The following ANTXRL variants were observed in gnomAD, a reference collection of about 807,000 sequenced individuals.
ANTXRL encodes ANTXR like.
Under a neutral mutation model 75.4 loss-of-function variants are expected in ANTXRL, and 63 were observed. That is an observed-to-expected ratio of 0.84 (90% CI 0.68 to 1.03). ANTXRL has a LOEUF of 1.03. ANTXRL is among the 50% of genes least tolerant of loss of function. The probability of loss-of-function intolerance (pLI) is 0.00; values close to 1 mark genes in which losing one functional copy is unlikely to be tolerated. For missense variants in ANTXRL, 797 were observed against 789.4 expected, an observed-to-expected ratio of 1.01 and a Z score of -0.12; for synonymous variants, 335 against 291.3, an observed-to-expected ratio of 1.15 and a Z score of -1.53.
chr10:46,318,508 G>GA (rs139483798), intron 16 of ANTXRL, among the ~76,000 whole-genome samples: 7,157 of 151,840 alleles, frequency 0.047, 579 homozygotes, highest in African/African-American at 0.16. Context: ...AAGTTCACTC[G>GA]AAAAAAATAG....
At chr10:46,314,991 C>G in intron 16 of ANTXRL, among the ~76,000 whole-genome samples, 1 of 152,194 alleles carries the variant, frequency 6.6e-6, no homozygotes, top group Non-Finnish European at 1.5e-5. Flanking sequence ...GAACACCCGA[C>G]TGAGTGTCTT....
intron 10 of ANTXRL, among the ~76,000 whole-genome samples, chr10:46,303,243 G>A (rs1398322040): frequency 2.6e-5 from 4 of 152,172 alleles, no homozygotes; most frequent in African/African-American, 9.7e-5. Context: ...TGCCCAGAGG[G>A]GTATGTTTAC....
At chr10:46,321,016 G>A (rs905818738) in intron 16 of ANTXRL, among the ~76,000 whole-genome samples, 3 of 152,180 alleles carry the variant, frequency 2.0e-5, no homozygotes, top group African/African-American at 7.2e-5. Context: ...ATGTTAGAGT[G>A]TTGTTTCTAG....
At chr10:46,300,589 C>T (rs4926076) in intron 9 of ANTXRL, among the ~76,000 whole-genome samples, 40,226 of 151,010 alleles carry the variant, frequency 0.27, 4,943 homozygotes, top group East Asian at 0.43. Context: ...CTGTTCTGGG[C>T]GCCCTGTGCA....
intron 9 of ANTXRL, 44 bp from the exon 10 acceptor site, chr10:46,302,678 C>T (rs1438131877): frequency 1.4e-6 from 2 of 1,388,742 alleles, no homozygotes; most frequent in East Asian, 2.5e-5. Flanking sequence ...GGGAGGCAGC[C>T]CCCTACTCTT....
At chr10:46,307,272 C>A (rs782752638) in intron 11 of ANTXRL, 130 bp from the exon 12 acceptor site, 99 of 718,286 alleles carry the variant, frequency 1.4e-4, no homozygotes, top group Middle Eastern at 7.0e-4. Context: ...GACCCACTTA[C>A]CCTTTGGTCA....
chr10:46,287,016 C>A lies in ANTXRL; in HGVS notation c.-247C>A. 1 of 565,738 alleles carries A rather than the reference C, an allele frequency of 1.8e-6. No individual in the cohort carries two copies. Among genetic ancestry groups the A allele is most frequent in the Non-Finnish European group, 3.1e-6 (1 of 320,470 alleles). 35.0% of individuals were successfully genotyped at this position (565,738 alleles called of 1,614,324 possible). A position where few individuals can be genotyped will look rare whatever the true frequency, so the allele number is the denominator to read the frequency against. ...GTCAACCATAACAGAGAATTCTGTC[C>A]CCAGGGTGGGGGAAGGGCCAGGCAG... On this transcript the variant is annotated 5_prime_UTR_variant, in exon 1 of 17. Transcript: ENST00000620264.
chr10:46,295,367 G>T (rs1588797837), intron 3 of ANTXRL, among the ~76,000 whole-genome samples: 2 of 152,130 alleles, frequency 1.3e-5, no homozygotes, highest in East Asian at 3.9e-4. Flanking sequence ...TTAGAATTTG[G>T]ATTAGAGTTA....
rs1169333016 is a variant in ANTXRL at position 46,310,362 on chromosome 10, G to A, written c.1135-99G>A. ...AGTGACACCCCAAAGGCAGTGCTCT[G>A]TCCTGGTGCTCCAGGCCAGGGTCCC... On this transcript the variant is annotated intron_variant, in intron 13 of 16. Transcript: ENST00000620264. 17 of 1,162,004 alleles carry A rather than the reference G, an allele frequency of 1.5e-5. 1 individual carries two copies. In the South Asian group the frequency reaches 1.7e-4, roughly 12 times the overall value. The allele number at this position is 1,162,004 out of a possible 1,614,324, so 72.0% of individuals were successfully genotyped here. A position where few individuals can be genotyped will look rare whatever the true frequency, so the allele number is the denominator to read the frequency against.
intron 9 of ANTXRL, among the ~76,000 whole-genome samples, chr10:46,299,977 T>A (rs1588814212): frequency 6.6e-6 from 1 of 152,248 alleles, no homozygotes; most frequent in East Asian, 1.9e-4. Context: ...TCCTCCTGAT[T>A]TAAAGCGGCT....
chr10:46,287,594 G>C, intron 1 of ANTXRL, 84 bp downstream of exon 1: 1 of 1,449,744 alleles, frequency 6.9e-7, no homozygotes, highest in Non-Finnish European at 9.1e-7. Context: ...ACCACTCAAG[G>C]AGATGCAAGC....
At chr10:46,292,164 G>A (rs1554956701) in intron 2 of ANTXRL, 35 bp downstream of exon 2, 3 of 1,532,534 alleles carry the variant, frequency 2.0e-6, no homozygotes, top group Admixed American at 3.9e-5. Flanking sequence ...CCCCTGAGCT[G>A]CAGAGAGCTT....
At chr10:46,316,914 G>A (rs1838757315) in intron 16 of ANTXRL, among the ~76,000 whole-genome samples, 1 of 151,922 alleles carries the variant, frequency 6.6e-6, no homozygotes, top group Non-Finnish European at 1.5e-5. Context: ...CACATCAGGT[G>A]GATTGGCGTG....
At chr10:46,287,954 G>T (rs374447383) in intron 1 of ANTXRL, among the ~76,000 whole-genome samples, 21 of 152,216 alleles carry the variant, frequency 1.4e-4, no homozygotes, top group East Asian at 1.4e-3. Flanking sequence ...CCTGTGTTGG[G>T]CATTCTAATG....
chr10:46,308,268 C>A (rs1838210494), intron 12 of ANTXRL, among the ~76,000 whole-genome samples: 2 of 152,088 alleles, frequency 1.3e-5, no homozygotes, highest in African/African-American at 4.8e-5. Context: ...AGGAATCTAC[C>A]CACTGATGGC....
At chr10:46,321,195 A>G (rs1359432329) in intron 16 of ANTXRL, among the ~76,000 whole-genome samples, 1 of 152,178 alleles carries the variant, frequency 6.6e-6, no homozygotes, top group Admixed American at 6.5e-5. Flanking sequence ...CTCGGGTTTT[A>G]TGCTGGAGCA....
At chr10:46,295,312 C>G (rs1379322026) in intron 3 of ANTXRL, among the ~76,000 whole-genome samples, 1 of 152,172 alleles carries the variant, frequency 6.6e-6, no homozygotes, top group East Asian at 1.9e-4. Flanking sequence ...GCAGCCCTAC[C>G]TGTTAAAGGA....
rs1185668853 is a variant in ANTXRL, at chr10:46,292,183, G to A, written c.320+54G>A. The A allele has an allele frequency of 4.0e-6, 6 of 1,514,452 alleles. No individual in the cohort carries two copies. The African/African-American group carries it at 8.3e-5, about 21-fold the overall frequency. The allele number at this position is 1,514,452 out of a possible 1,614,324, so 93.8% of individuals were successfully genotyped here. ...TGAGCTGCAGAGAGCTTTTCTTCTG[G>A]AAGGCAGGCAGAGGGCACATCCCAT... On this transcript the variant is annotated intron_variant, in intron 2 of 16. Coordinates refer to ENST00000620264, the MANE Select transcript of ANTXRL (RefSeq NM_001278688.3).
In ANTXRL at chr10:46,325,529, C is replaced by T. The variant is rs371132563; in HGVS notation, c.1411-4070C>T. The stretch of plus-strand genomic sequence containing the variant: ...TCAGTCATGTCTGTAACTTTCCATC[C>T]TGGCTTATGGGTTTTAATTGAACTG... On this transcript the variant is annotated intron_variant, in intron 16 of 16. Transcript: ENST00000620264. 7.9e-5 allele frequency among the ~76,000 whole-genome samples: 12 copies of T among 152,234 alleles called. No individual in the cohort carries two copies. The South Asian group carries it at 1.4e-3, about 18-fold the overall frequency.
Sources: allele counts gnomAD v4.1 joint callset (sites outside exome capture counted in the v4.1 genomes callset), GRCh38; gene constraint gnomAD v4.1.1; transcripts MANE v1.5; gene names NCBI Gene and HGNC (gene_info 2026-07-23, HGNC 2026-07-21).